Variants in NBEA observed in about 807,000 individuals in gnomAD.
NBEA encodes the protein neurobeachin, also known as lysosomal-trafficking regulator 2.
Under a neutral mutation model 343.4 loss-of-function variants are expected in NBEA, and 44 were observed. The observed-to-expected ratio is 0.13, with a 90% CI of 0.10 to 0.16. The LOEUF (loss-of-function observed/expected upper bound fraction) is 0.16, where lower values mean the gene tolerates loss of function less well. NBEA is among the 10% of genes least tolerant of loss of function. NBEA has a pLI of 1.00. For missense variants in NBEA, 2,555 were observed against 3,631.3 expected (o/e 0.70, Z 7.62); for synonymous variants, 1,175 against 1,238.7 (o/e 0.95, Z 1.08).
chr13:35,446,436 G>A (rs1449348234), intron 39 of NBEA, among the ~76,000 whole-genome samples: 7 of 152,162 alleles, frequency 4.6e-5, no homozygotes. Context: ...CCCACCAACA[G>A]TGTAAAAGTG....
chr13:35,236,751 C>A (rs1052382442), intron 34 of NBEA, among the ~76,000 whole-genome samples: 1 of 151,246 alleles, frequency 6.6e-6, no homozygotes, highest in Non-Finnish European at 1.5e-5. Flanking sequence ...CCACCCCGCC[C>A]GGCCTAAACC....
chr13:35,620,750 G>A (rs1435031092), intron 48 of NBEA, among the ~76,000 whole-genome samples: 1 of 152,040 alleles, frequency 6.6e-6, no homozygotes, highest in Non-Finnish European at 1.5e-5. Flanking sequence ...TGGACCAGGG[G>A]TAGCAGTAAA....
chr13:35,157,813 G>C (rs532641975), intron 21 of NBEA, among the ~76,000 whole-genome samples: 2 of 152,054 alleles, frequency 1.3e-5, no homozygotes, highest in East Asian at 3.9e-4. Flanking sequence ...TTAGATTCTG[G>C]AAATTCAGAG....
At chr13:35,211,742 C>T (rs1005015602) in intron 33 of NBEA, among the ~76,000 whole-genome samples, 9 of 151,988 alleles carry the variant, frequency 5.9e-5, no homozygotes, top group African/African-American at 1.9e-4. Context: ...TCACTTGAAC[C>T]CGGGAGGCAG....
intron 38 of NBEA, among the ~76,000 whole-genome samples, chr13:35,422,612 T>A (rs2044367731): frequency 1.3e-5 from 2 of 152,206 alleles, no homozygotes; most frequent in African/African-American, 2.4e-5. Context: ...TTAACATATG[T>A]GTGCATGTGT....
chr13:35,300,310 C>T (rs1457911997), intron 35 of NBEA, among the ~76,000 whole-genome samples: 2 of 151,852 alleles, frequency 1.3e-5, no homozygotes, highest in East Asian at 1.9e-4. Context: ...GGTGACAAAG[C>T]GAGACTCTGT....
chr13:35,188,531 C>A (rs1244029828), intron 30 of NBEA, among the ~76,000 whole-genome samples: 1 of 152,066 alleles, frequency 6.6e-6, no homozygotes, highest in African/African-American at 2.4e-5. Flanking sequence ...ATGCAGTATT[C>A]TCCAGATTCA....
At chr13:35,158,196 AG>A (rs749840691) in intron 21 of NBEA, among the ~76,000 whole-genome samples, 24 of 152,096 alleles carry the variant, frequency 1.6e-4, no homozygotes, top group Non-Finnish European at 2.6e-4. Flanking sequence ...TGTAAAATTA[AG>A]GGGATTTTTG....
At chr13:35,339,685 G>A (rs1223910912) in intron 36 of NBEA, among the ~76,000 whole-genome samples, 1 of 152,032 alleles carries the variant, frequency 6.6e-6, no homozygotes, top group East Asian at 1.9e-4. Context: ...ACAAACAATC[G>A]TGGCAGAAGG....
chr13:35,186,915 TTTA>T (rs2071756541), intron 30 of NBEA, among the ~76,000 whole-genome samples: 1 of 152,118 alleles, frequency 6.6e-6, no homozygotes, highest in Non-Finnish European at 1.5e-5. Context: ...TCTAATTATA[TTTA>T]TTGATATGTA....
At chr13:35,392,170 G>T (rs2042534875) in intron 38 of NBEA, among the ~76,000 whole-genome samples, 1 of 151,978 alleles carries the variant, frequency 6.6e-6, no homozygotes, top group South Asian at 2.1e-4. Flanking sequence ...TTATTTAGAA[G>T]AATTCAGGGA....
chr13:35,235,995 A>G (rs911641044), intron 34 of NBEA, among the ~76,000 whole-genome samples: 1 of 152,192 alleles, frequency 6.6e-6, no homozygotes, highest in African/African-American at 2.4e-5. Flanking sequence ...TTCTACATTC[A>G]AAGAATTTTA....
At chr13:35,558,277 T>C (rs1206883297) in intron 44 of NBEA, among the ~76,000 whole-genome samples, 1 of 152,168 alleles carries the variant, frequency 6.6e-6, no homozygotes, top group Non-Finnish European at 1.5e-5. Flanking sequence ...TATAAAATTG[T>C]GTACAATTTT....
chr13:35,570,642 A>G (rs2080362795), intron 45 of NBEA, among the ~76,000 whole-genome samples: 1 of 152,196 alleles, frequency 6.6e-6, no homozygotes, highest in African/African-American at 2.4e-5. Flanking sequence ...TGATAGGAAA[A>G]TGTTAGCAAA....
intron 17 of NBEA, among the ~76,000 whole-genome samples, chr13:35,134,626 C>T (rs1158036139): frequency 1.3e-5 from 2 of 151,828 alleles, no homozygotes; most frequent in African/African-American, 4.8e-5. Flanking sequence ...ATAAATACCT[C>T]CATTACTGAA....
intron 39 of NBEA, among the ~76,000 whole-genome samples, chr13:35,449,898 G>A (rs1401370032): frequency 6.6e-6 from 1 of 151,998 alleles, no homozygotes; most frequent in Admixed American, 6.5e-5. Flanking sequence ...TACATTTAAG[G>A]TACGCATTAA....
chr13:35,376,937 A>C (rs558695208), intron 38 of NBEA, among the ~76,000 whole-genome samples: 2 of 152,104 alleles, frequency 1.3e-5, no homozygotes, highest in Admixed American at 6.6e-5. Context: ...ATTCCTAGCA[A>C]ATTTTCAGAC....
intron 13 of NBEA, among the ~76,000 whole-genome samples, chr13:35,116,374 A>T (rs2066491550): frequency 6.6e-6 from 1 of 152,062 alleles, no homozygotes; most frequent in South Asian, 2.1e-4. Flanking sequence ...TTGTTCATGT[A>T]TGTTTTCTGT....
intron 30 of NBEA, among the ~76,000 whole-genome samples, chr13:35,188,643 C>T (rs1323997049): frequency 1.3e-5 from 2 of 152,028 alleles, no homozygotes; most frequent in Admixed American, 6.6e-5. Context: ...CGTCAATAGA[C>T]ACTTGATTCC....
Sources: gnomAD v4.1 joint callset for allele counts (sites outside exome capture counted in the v4.1 genomes callset) on GRCh38, gnomAD v4.1.1 for gene constraint, MANE v1.5 for transcripts, NCBI Gene and HGNC (gene_info 2026-07-23, HGNC 2026-07-21) for gene names.